Variants in GRID2 observed in about 807,000 individuals in gnomAD.
GRID2 encodes glutamate receptor ionotropic, delta-2.
GRID2 carries 33 observed loss-of-function variants against 114.8 expected under a neutral mutation model. The ratio of observed to expected loss-of-function variants is 0.29; its 90% confidence interval spans 0.22 to 0.38. GRID2 has a LOEUF of 0.38. Ranked by LOEUF, GRID2 falls within the 10% of genes least tolerant of loss-of-function variation. The pLI is 1.00. For synonymous variants in GRID2, 505 were observed against 449.9 expected, an observed-to-expected ratio of 1.12 and a Z score of -1.55; for missense variants, 1,184 against 1,257.7, an observed-to-expected ratio of 0.94 and a Z score of 0.89.
At position 93,772,662 on chromosome 4, in the gene GRID2, T is replaced by C. The variant is rs112493165; in HGVS notation, c.*164T>C. On this transcript the variant is annotated 3_prime_UTR_variant, in exon 16 of 16. Transcript: ENST00000282020. ...CACCTTCTCCCTCTCCTCTCTCCTC[T>C]ATGATTTTCTCTCTTTCCCCCTCCC... The C allele has an allele frequency of 3.2e-4, 177 of 557,252 alleles. No homozygotes were observed. Among genetic ancestry groups the C allele is most frequent in the African/African-American group, 3.0e-3 (159 of 53,082 alleles). 34.5% of individuals were successfully genotyped at this position (557,252 alleles called of 1,614,324 possible).
intron 1 of GRID2, among the ~76,000 whole-genome samples, chr4:92,360,610 A>T (rs1192228392): frequency 2.0e-5 from 3 of 152,014 alleles, no homozygotes; most frequent in Non-Finnish European, 2.9e-5. Flanking sequence ...TTCCACAGCC[A>T]CCCAGCATTG....
At chr4:92,958,954 T>C (rs1231026146) in intron 2 of GRID2, among the ~76,000 whole-genome samples, 2 of 151,996 alleles carry the variant, frequency 1.3e-5, no homozygotes, top group Admixed American at 6.6e-5. Flanking sequence ...TTTGTGGTCA[T>C]GGAGTTGTTT....
intron 2 of GRID2, among the ~76,000 whole-genome samples, chr4:93,005,993 T>C (rs1721478780): frequency 6.6e-6 from 1 of 152,074 alleles, no homozygotes; most frequent in Non-Finnish European, 1.5e-5. Context: ...TATGATTGCT[T>C]TTCTATTTGC....
intron 1 of GRID2, among the ~76,000 whole-genome samples, chr4:92,559,919 ACTT>A (rs1204202310): frequency 7.9e-5 from 12 of 152,332 alleles, no homozygotes; most frequent in African/African-American, 2.6e-4. Context: ...CCAAAATTAG[ACTT>A]CTTATAATTT....
intron 2 of GRID2, among the ~76,000 whole-genome samples, chr4:93,038,294 T>G (rs1471456196): frequency 6.6e-6 from 1 of 152,154 alleles, no homozygotes; most frequent in African/African-American, 2.4e-5. Context: ...CATGTGATTT[T>G]TGCACATTGA....
At chr4:93,061,415 T>G (rs974504423) in intron 2 of GRID2, among the ~76,000 whole-genome samples, 1 of 151,974 alleles carries the variant, frequency 6.6e-6, no homozygotes, top group African/African-American at 2.4e-5. Context: ...GGCCAAATCC[T>G]GGCTACTAGC....
At chr4:93,143,811 T>G (rs2149388828) in intron 4 of GRID2, among the ~76,000 whole-genome samples, 1 of 152,316 alleles carries the variant, frequency 6.6e-6, no homozygotes, top group South Asian at 2.1e-4. Context: ...AACATAGATA[T>G]CTGTGAGGGG....
At chr4:93,266,123 T>G (rs1750800322) in intron 8 of GRID2, among the ~76,000 whole-genome samples, 1 of 152,056 alleles carries the variant, frequency 6.6e-6, no homozygotes, top group South Asian at 2.1e-4. Context: ...TGTGCACATC[T>G]TTGGGATGTG....
intron 2 of GRID2, among the ~76,000 whole-genome samples, chr4:92,943,097 C>G (rs948783987): frequency 2.6e-5 from 4 of 152,090 alleles, no homozygotes; most frequent in African/African-American, 7.2e-5. Context: ...TCTGTACTTC[C>G]TGAATTTGAA....
chr4:93,596,308 G>T (rs34565787), intron 13 of GRID2, among the ~76,000 whole-genome samples: 5,679 of 152,130 alleles, frequency 0.037, 157 homozygotes, highest in Middle Eastern at 0.14. Flanking sequence ...GGCTGGGTGC[G>T]GTGGCTCACG....
intron 13 of GRID2, among the ~76,000 whole-genome samples, chr4:93,605,012 G>T (rs1035588420): frequency 6.6e-6 from 1 of 152,110 alleles, no homozygotes; most frequent in African/African-American, 2.4e-5. Context: ...TATCTCTGAG[G>T]TATGCCTATA....
At chr4:93,023,367 G>A (rs932805487) in intron 2 of GRID2, among the ~76,000 whole-genome samples, 4 of 151,804 alleles carry the variant, frequency 2.6e-5, no homozygotes, top group Non-Finnish European at 4.4e-5. Flanking sequence ...TTCTGTTAAA[G>A]ATACACAATA....
intron 14 of GRID2, among the ~76,000 whole-genome samples, chr4:93,742,649 G>A (rs1191227209): frequency 3.3e-5 from 5 of 152,148 alleles, no homozygotes; most frequent in Non-Finnish European, 5.9e-5. Context: ...TATGTGATCA[G>A]TGATCTTGAT....
At chr4:92,702,602 C>T (rs1231278531) in intron 2 of GRID2, 1 of 151,958 alleles carries the variant, frequency 6.6e-6, no homozygotes, top group East Asian at 1.9e-4. Flanking sequence ...TCTTATGAAC[C>T]CCACTGCCTA....
At chr4:92,390,791 C>T (rs182308971) in intron 1 of GRID2, among the ~76,000 whole-genome samples, 21 of 152,182 alleles carry the variant, frequency 1.4e-4, no homozygotes, top group Middle Eastern at 3.4e-3. Context: ...TTATTCCTAG[C>T]TCTTATTATC....
chr4:93,666,944 G>A (rs913597812), intron 14 of GRID2, among the ~76,000 whole-genome samples: 4 of 151,980 alleles, frequency 2.6e-5, no homozygotes, highest in Admixed American at 6.6e-5. Flanking sequence ...TCAAATTTCA[G>A]GTTGGTATCG....
chr4:93,457,219 A>G (rs1723292700), intron 11 of GRID2, among the ~76,000 whole-genome samples: 1 of 152,156 alleles, frequency 6.6e-6, no homozygotes, highest in African/African-American at 2.4e-5. Flanking sequence ...GTGTAGAAGC[A>G]CTTAATATAT....
intron 14 of GRID2, among the ~76,000 whole-genome samples, chr4:93,683,129 T>TC (rs1266288665): frequency 6.6e-6 from 1 of 151,874 alleles, no homozygotes; most frequent in Non-Finnish European, 1.5e-5. Context: ...AAAAAAGCTC[T>TC]CTATTTGCCA....
chr4:92,921,293 A>T (rs1749315109), intron 2 of GRID2, among the ~76,000 whole-genome samples: 1 of 152,030 alleles, frequency 6.6e-6, no homozygotes, highest in South Asian at 2.1e-4. Context: ...CGTGGGTTCG[A>T]ACTTCCTCCT....
Sources: allele counts gnomAD v4.1 joint callset (sites outside exome capture counted in the v4.1 genomes callset), GRCh38; gene constraint gnomAD v4.1.1; transcripts MANE v1.5; gene names NCBI Gene and HGNC (gene_info 2026-07-23, HGNC 2026-07-21).